The following RIMBP2 variants were observed in gnomAD, a reference collection of about 807,000 sequenced individuals.
The protein encoded by RIMBP2 is RIMS binding protein 2.
RIMBP2 carries 48 observed loss-of-function variants against 118.6 expected under a neutral mutation model. The observed-to-expected ratio is 0.40, with a 90% confidence interval of 0.32 to 0.51. The LOEUF (loss-of-function observed/expected upper bound fraction) is 0.51, where lower values mean the gene tolerates loss of function less well. Ranked by LOEUF, RIMBP2 falls within the 20% of genes least tolerant of loss-of-function variation. The pLI is 0.41. For synonymous variants in RIMBP2, 762 were observed against 742.9 expected (o/e 1.03, Z -0.42); for missense variants, 1,551 against 1,768.3 (o/e 0.88, Z 2.20).
intron 1 of RIMBP2, among the ~76,000 whole-genome samples, chr12:130,659,207 C>T (rs189154879): frequency 2.5e-4 from 38 of 152,332 alleles, no homozygotes; most frequent in African/African-American, 8.4e-4. Flanking sequence ...ACAGATAAAA[C>T]TAATTTTCAT....
chr12:130,557,263 C>T (rs1275315190), intron 2 of RIMBP2, among the ~76,000 whole-genome samples: 1 of 151,984 alleles, frequency 6.6e-6, no homozygotes, highest in South Asian at 2.1e-4. Flanking sequence ...TGCAGTGGAG[C>T]CCCCCACAGC....
At chr12:130,614,073 T>C (rs1338495872) in intron 2 of RIMBP2, among the ~76,000 whole-genome samples, 1 of 152,218 alleles carries the variant, frequency 6.6e-6, no homozygotes, top group Non-Finnish European at 1.5e-5. Flanking sequence ...TACTTGCAGC[T>C]GAACGCTGTC....
At chr12:130,408,144 C>T (rs1275752009) in intron 19 of RIMBP2, among the ~76,000 whole-genome samples, 2 of 152,226 alleles carry the variant, frequency 1.3e-5, no homozygotes, top group Non-Finnish European at 2.9e-5. Flanking sequence ...CAAATTTAGA[C>T]GGCTTTGGCC....
At chr12:130,407,918 A>G (rs1177916108) in intron 19 of RIMBP2, 89 bp from the exon 20 acceptor site, 15 of 1,181,246 alleles carry the variant, frequency 1.3e-5, no homozygotes, top group Non-Finnish European at 1.9e-5. Flanking sequence ...CACATGGCCA[A>G]TACAGCCGAG....
chr12:130,437,340 G>A (rs756506194), intron 12 of RIMBP2, 49 bp from the exon 13 acceptor site: 11 of 1,484,052 alleles, frequency 7.4e-6, no homozygotes, highest in East Asian at 4.9e-5. Context: ...TGAGCCCCGC[G>A]GTCCTGCAAT....
chr12:130,643,686 C>T (rs1282080315), intron 1 of RIMBP2, among the ~76,000 whole-genome samples: 1 of 152,250 alleles, frequency 6.6e-6, no homozygotes, highest in Non-Finnish European at 1.5e-5. Flanking sequence ...CCATGTCCTT[C>T]CATTCACATT....
chr12:130,442,741 A>C lies in RIMBP2; in HGVS notation c.692-81T>G. On this transcript the variant is annotated intron_variant, in intron 10 of 22. Transcript: ENST00000690449. This position sits in a 1 kb window ranked among gnomAD's most constrained non-coding sequence, Gnocchi z 6.9. ...CCCCCAGTGTACTCCCACCTCCCCCACCAGGACCATAAGGCAGAGCAACAG... is the reference window on the plus strand; with the variant it reads ...CCCCCAGTGTACTCCCACCTCCCCCCCCAGGACCATAAGGCAGAGCAACAG... 3 of 1,189,202 alleles carry C rather than the reference A, an allele frequency of 2.5e-6. No individual in the cohort carries two copies. Among genetic ancestry groups the C allele is most frequent in the Non-Finnish European group, 2.4e-6 (2 of 841,080 alleles). 73.7% of individuals were successfully genotyped at this position (1,189,202 alleles called of 1,614,324 possible).
At chr12:130,400,848 G>A (rs1389021630) in intron 21 of RIMBP2, among the ~76,000 whole-genome samples, 2 of 152,184 alleles carry the variant, frequency 1.3e-5, no homozygotes, top group African/African-American at 4.8e-5. Flanking sequence ...CAGTCACCAC[G>A]AATCTCCAGG....
rs749032358 is a variant in RIMBP2 at position 130,525,927 on chromosome 12, C to T, written c.-216-8010G>A. ...AAGTAACTGAGCGAGCAGCCTCCCC[C>T]GAGCATGTGGAGGGGTGGGACTCAA... is the stretch of plus-strand genomic sequence containing the variant. On this transcript the variant is annotated intron_variant, in intron 2 of 22. Coordinates refer to ENST00000690449, the MANE Select transcript of RIMBP2 (RefSeq NM_001393629.1). The surrounding 1 kb of genome is among the most constrained non-coding windows in gnomAD (Gnocchi z 4.4). Among the ~76,000 whole-genome samples, 6 of 152,074 alleles carry T rather than the reference C, an allele frequency of 3.9e-5. No individual in the cohort carries two copies. The highest frequency in any genetic ancestry group is 6.6e-5 in the Admixed American group (1 of 15,264).
chr12:130,493,893 C>T (rs1371835062), intron 4 of RIMBP2, among the ~76,000 whole-genome samples: 7 of 152,116 alleles, frequency 4.6e-5, no homozygotes, highest in Admixed American at 6.6e-5. Context: ...CCCGGATATC[C>T]GCCCTTTCTG....
chr12:130,698,007 G>A (rs1167291728), intron 1 of RIMBP2, among the ~76,000 whole-genome samples: 2 of 152,172 alleles, frequency 1.3e-5, no homozygotes, highest in Non-Finnish European at 2.9e-5. Context: ...GTCTTCAACA[G>A]CTAACTTGCG....
At chr12:130,545,885 G>T (rs1304397100) in intron 2 of RIMBP2, among the ~76,000 whole-genome samples, 1 of 152,038 alleles carries the variant, frequency 6.6e-6, no homozygotes, top group Non-Finnish European at 1.5e-5. Context: ...CTAGTTTATG[G>T]GATTGTGGAA....
chr12:130,463,202 G>A (rs984863670), intron 6 of RIMBP2, among the ~76,000 whole-genome samples: 3 of 152,176 alleles, frequency 2.0e-5, no homozygotes, highest in South Asian at 2.1e-4. Context: ...ATTTATTTCC[G>A]GATACAGAGT....
chr12:130,704,655 C>T (rs1031183972), intron 1 of RIMBP2, among the ~76,000 whole-genome samples: 4 of 152,102 alleles, frequency 2.6e-5, no homozygotes, highest in South Asian at 2.1e-4. Context: ...GATGGCACTC[C>T]GCATTTTCTA....
chr12:130,541,329 AT>A (rs1186634440), intron 2 of RIMBP2, among the ~76,000 whole-genome samples: 17 of 152,296 alleles, frequency 1.1e-4, no homozygotes, highest in African/African-American at 4.1e-4. Context: ...TCCCTCTAGG[AT>A]TCTTTCCTTA....
Position 130,543,128 on chromosome 12 carries a change from C to T in RIMBP2, c.-216-25211G>A, listed in dbSNP as rs180822657. Among the ~76,000 whole-genome samples, 750 of 152,324 alleles carry T rather than the reference C, an allele frequency of 4.9e-3. 5 individuals are homozygous for T. The highest frequency in any genetic ancestry group is 0.017 in the African/African-American group (714 of 41,566). ...GCCCTAATGAGGCTGTCAGGCTAAA[C>T]GCCTTTCCAGAAAGATGACTCTAAC... On this transcript the variant is annotated intron_variant, in intron 2 of 22. Coordinates refer to ENST00000690449, the MANE Select transcript of RIMBP2 (RefSeq NM_001393629.1).
chr12:130,611,773 G>C (rs914665150), intron 2 of RIMBP2, among the ~76,000 whole-genome samples: 2 of 152,130 alleles, frequency 1.3e-5, no homozygotes, highest in Non-Finnish European at 2.9e-5. Flanking sequence ...GCTCAGGCCC[G>C]GCAAGCAGGA....
chr12:130,504,465 C>G (rs751988823), intron 4 of RIMBP2, among the ~76,000 whole-genome samples: 1 of 152,176 alleles, frequency 6.6e-6, no homozygotes, highest in Non-Finnish European at 1.5e-5. Context: ...GCCACCAACT[C>G]AAAGGGTGTG....
intron 1 of RIMBP2, among the ~76,000 whole-genome samples, chr12:130,642,631 TTTA>T (rs1230118664): frequency 1.3e-5 from 2 of 152,212 alleles, no homozygotes; most frequent in East Asian, 3.9e-4. Context: ...AATAATAACC[TTTA>T]TTACTTCGAC....
Sources: gnomAD v4.1 joint callset for allele counts (sites outside exome capture counted in the v4.1 genomes callset) on GRCh38, gnomAD v4.1.1 for gene constraint, Gnocchi (gnomAD v3.1) non-coding constraint, MANE v1.5 for transcripts, NCBI Gene and HGNC (gene_info 2026-07-23, HGNC 2026-07-21) for gene names.